The following CA12 variants were observed in gnomAD, a reference collection of about 807,000 sequenced individuals.
CA12 encodes the protein carbonate dehydratase XII.
CA12 carries 36 observed loss-of-function variants against 46.8 expected under a neutral mutation model. The observed-to-expected ratio is 0.77, with a 90% CI of 0.59 to 1.02. The LOEUF (loss-of-function observed/expected upper bound fraction) is 1.02. Ranked by LOEUF, CA12 falls within the 50% of genes least tolerant of loss-of-function variation. CA12 has a pLI of 0.00. For synonymous variants in CA12, 202 were observed against 187.0 expected (o/e 1.08, Z -0.65); for missense variants, 436 against 451.4 (o/e 0.97, Z 0.31).
Position 63,338,810 on chromosome 15 carries a change from T to A in CA12, c.874+9A>T, listed in dbSNP as rs188806301. The A allele has an allele frequency of 1.1e-4, 179 of 1,613,886 alleles. No individual in the cohort carries two copies. In the African/African-American group the frequency reaches 2.2e-3, roughly 20 times the overall value. On this transcript the variant is annotated intron_variant, in intron 8 of 10. Transcript: ENST00000178638. Reference sequence around the variant, plus strand: ...CGCACCCCCTCCCCCCAGCACTGCCTCTCCTCACCTTGGGAGAAGGAGGTG... The same window carrying A: ...CGCACCCCCTCCCCCCAGCACTGCCACTCCTCACCTTGGGAGAAGGAGGTG...
chr15:63,352,525 A>G (rs2039246074), intron 2 of CA12, among the ~76,000 whole-genome samples: 1 of 152,122 alleles, frequency 6.6e-6, no homozygotes, highest in Non-Finnish European at 1.5e-5. Flanking sequence ...ATTCTGCCCC[A>G]TGACACTTCT....
Position 63,340,355 on chromosome 15 carries a change from G to C in CA12, c.680C>G (p.Thr227Arg). 6.2e-7 allele frequency: 1 copy of C among 1,614,160 alleles called. No individual in the cohort carries two copies. The highest frequency in any genetic ancestry group is 1.7e-5 in the Admixed American group (1 of 60,026). Reference protein sequence around the residue: ...EYYRYRGSLTTPPCNPTVLWT... With the variant: ...EYYRYRGSLTRPPCNPTVLWT... ...GAGCACAGTGGGGTTGCAAGGGGGT[G>C]TGGTCAGGGACCCCCGGTAGCGGTA... The change falls in exon 7 of 11, where the codon ACA becomes AGA. Residue 227 changes from threonine (T) to arginine (R), a missense_variant. Transcript: ENST00000178638. This position sits in a 1 kb window ranked among gnomAD's most constrained non-coding sequence, Gnocchi z 4.4.
Position 63,341,889 on chromosome 15 carries a change from G to T in CA12, c.525+113C>A. 1.3e-6 allele frequency: 1 copy of T among 765,612 alleles called. No homozygotes were observed. The highest frequency in any genetic ancestry group is 2.3e-6 in the Non-Finnish European group (1 of 434,122). The allele number at this position is 765,612 out of a possible 1,614,324, so 47.4% of individuals were successfully genotyped here. A position where few individuals can be genotyped will look rare whatever the true frequency, so the allele number is the denominator to read the frequency against. On this transcript the variant is annotated intron_variant, in intron 5 of 10. Transcript: ENST00000178638. The surrounding 1 kb of genome is among the most constrained non-coding windows in gnomAD (Gnocchi z 5.2). ...ATACCCCCTGCTCTGGAGTTGACAC[G>T]GAGTCGATACAGGAACAGCTGATTA...
In CA12 at chr15:63,330,010, TAGCAG is replaced by T. The variant is rs1386153604; in HGVS notation, c.875-1885_875-1881del. ...GGTGGCACCGGGCTGCTGTGAGGGTTAGCAGAGCAGGCAGGGAGAAGAGCTGTCCC... is the reference window on the plus strand; with the variant it reads ...GGTGGCACCGGGCTGCTGTGAGGGTTAGCAGGCAGGGAGAAGAGCTGTCCC... On this transcript the variant is annotated intron_variant, in intron 8 of 10. Coordinates refer to ENST00000178638, the MANE Select transcript of CA12 (RefSeq NM_001218.5). This position sits in a 1 kb window ranked among gnomAD's most constrained non-coding sequence, Gnocchi z 4.0. Among the ~76,000 whole-genome samples, 1 of 152,188 alleles carries T rather than the reference TAGCAG, an allele frequency of 6.6e-6. No individual in the cohort carries two copies. Among genetic ancestry groups the T allele is most frequent in the Non-Finnish European group, 1.5e-5 (1 of 68,022 alleles).
chr15:63,362,384 T>C (rs1315154360), intron 2 of CA12, among the ~76,000 whole-genome samples: 1 of 152,234 alleles, frequency 6.6e-6, no homozygotes, highest in Admixed American at 6.5e-5. Flanking sequence ...GCCTGAGCTC[T>C]GAACCATGAC....
In CA12 at chr15:63,355,115, C is replaced by T. The variant is rs150191874; in HGVS notation, c.107-8406G>A. Among the ~76,000 whole-genome samples the T allele has an allele frequency of 3.3e-3, 495 of 152,290 alleles. 2 individuals carry two copies. Among genetic ancestry groups the T allele is most frequent in the African/African-American group, 0.011 (473 of 41,534 alleles). ...ACCTGTGACCTTAGAGTATGTTCAT[C>T]GTGGAGAGGCTCTGCCCACCTCTCT... On this transcript the variant is annotated intron_variant, in intron 2 of 10. Coordinates refer to ENST00000178638, the MANE Select transcript of CA12 (RefSeq NM_001218.5). This position sits in a 1 kb window ranked among gnomAD's most constrained non-coding sequence, Gnocchi z 4.1.
chr15:63,376,578 C>CTTTCTTTCTT (rs1436552433), intron 1 of CA12, among the ~76,000 whole-genome samples: 2 of 116,600 alleles, frequency 1.7e-5, no homozygotes, highest in African/African-American at 5.9e-5. Flanking sequence ...TTCTTTCTTT[C>CTTTCTTTCTT]TTTCTTTCTT....
Position 63,330,140 on chromosome 15 carries a change from C to G in CA12, c.875-2010G>C, listed in dbSNP as rs1394540576. ...GGCTCCACTGGCCAGACTCCCTGCC[C>G]CAGGCCTCTTCGTGTAACCTGAACA... is the stretch of plus-strand genomic sequence containing the variant. On this transcript the variant is annotated intron_variant, in intron 8 of 10. Transcript: ENST00000178638. The surrounding 1 kb of genome is among the most constrained non-coding windows in gnomAD (Gnocchi z 4.0). Among the ~76,000 whole-genome samples the G allele has an allele frequency of 6.6e-6, 1 of 152,230 alleles. No individual in the cohort carries two copies. Among genetic ancestry groups the G allele is most frequent in the Non-Finnish European group, 1.5e-5 (1 of 68,040 alleles).
chr15:63,364,934 G>A (rs981895592), intron 2 of CA12, among the ~76,000 whole-genome samples: 1 of 152,220 alleles, frequency 6.6e-6, no homozygotes, highest in African/African-American at 2.4e-5. Context: ...CCTAGCAACT[G>A]CACTGGTGTG....
At position 63,322,953 on chromosome 15, in the gene CA12, G is replaced by A. The variant is rs2038812293; in HGVS notation, c.*3332C>T. Reference sequence around the variant, plus strand: ...GAAAATTGGATGCTTTTCTAAATAAGGCAAACAATGATGGTACCTATTTTA... The same window carrying A: ...GAAAATTGGATGCTTTTCTAAATAAAGCAAACAATGATGGTACCTATTTTA... On this transcript the variant is annotated 3_prime_UTR_variant, in exon 11 of 11. Coordinates refer to ENST00000178638, the MANE Select transcript of CA12 (RefSeq NM_001218.5). The surrounding 1 kb of genome is among the most constrained non-coding windows in gnomAD (Gnocchi z 4.1). 1 of 152,212 alleles carries A rather than the reference G, an allele frequency of 6.6e-6. No homozygotes were observed. The highest frequency in any genetic ancestry group is 1.5e-5 in the Non-Finnish European group (1 of 68,028). The allele number at this position is 152,212 out of a possible 1,614,324, so 9.4% of individuals were successfully genotyped here.
rs1003123668 is a variant in CA12 at position 63,329,992 on chromosome 15, C to A, written c.875-1862G>T. Among the ~76,000 whole-genome samples the A allele has an allele frequency of 2.0e-5, 3 of 152,204 alleles. No individual in the cohort carries two copies. The highest frequency in any genetic ancestry group is 7.2e-5 in the African/African-American group (3 of 41,448). On this transcript the variant is annotated intron_variant, in intron 8 of 10. Coordinates refer to ENST00000178638, the MANE Select transcript of CA12 (RefSeq NM_001218.5). The surrounding 1 kb of genome is among the most constrained non-coding windows in gnomAD (Gnocchi z 4.8). ...CCTGGTCTGGCTTCCCCAGGTGGCA[C>A]CGGGCTGCTGTGAGGGTTAGCAGAG...
At chr15:63,336,803 A>G (rs1319918945) in intron 8 of CA12, among the ~76,000 whole-genome samples, 1 of 152,100 alleles carries the variant, frequency 6.6e-6, no homozygotes, top group Non-Finnish European at 1.5e-5. Context: ...TCCTGACTGT[A>G]AGGAGAATAT....
chr15:63,337,099 A>G (rs182543849), intron 8 of CA12, among the ~76,000 whole-genome samples: 6 of 152,304 alleles, frequency 3.9e-5, no homozygotes, highest in African/African-American at 1.4e-4. Context: ...TTATCATCAC[A>G]TGGATTTTGA....
chr15:63,357,464 G>C (rs2039309433), intron 2 of CA12, among the ~76,000 whole-genome samples: 1 of 152,164 alleles, frequency 6.6e-6, no homozygotes. Flanking sequence ...CCCAGTCCCT[G>C]AGATCAGGAT....
chr15:63,342,874 A>T (rs1183280432), intron 4 of CA12, among the ~76,000 whole-genome samples: 4 of 152,074 alleles, frequency 2.6e-5, no homozygotes, highest in Non-Finnish European at 5.9e-5. Flanking sequence ...TTTCCATCTC[A>T]TGTGTTTATA....
In CA12 at chr15:63,355,591, G is replaced by A. The variant is rs1388595280; in HGVS notation, c.107-8882C>T. Reference sequence around the variant, plus strand: ...GACTGTCAGCTCGCTTTCTGCATGCGTGTACACCTGGCTCCTGCTGCAGAG... The same window carrying A: ...GACTGTCAGCTCGCTTTCTGCATGCATGTACACCTGGCTCCTGCTGCAGAG... On this transcript the variant is annotated intron_variant, in intron 2 of 10. Transcript: ENST00000178638. This position sits in a 1 kb window ranked among gnomAD's most constrained non-coding sequence, Gnocchi z 4.1. Among the ~76,000 whole-genome samples, 4 of 152,220 alleles carry A rather than the reference G, an allele frequency of 2.6e-5. No individual in the cohort carries two copies. Among genetic ancestry groups the A allele is most frequent in the Non-Finnish European group, 4.4e-5 (3 of 68,046 alleles).
chr15:63,375,809 TTC>T, intron 1 of CA12, 131 bp from the exon 2 acceptor site: 1 of 703,336 alleles, frequency 1.4e-6, no homozygotes, highest in Admixed American at 2.7e-5. Context: ...CTTTTTCTTT[TTC>T]TTTTTTTTTT....
At chr15:63,344,943 G>A (rs2039126728) in intron 4 of CA12, among the ~76,000 whole-genome samples, 1 of 152,180 alleles carries the variant, frequency 6.6e-6, no homozygotes, top group Non-Finnish European at 1.5e-5. Flanking sequence ...TTGCCGTGAT[G>A]CCCTGCACAT....
rs142844666 is a variant in CA12 at position 63,323,916 on chromosome 15, G to C, written c.*2369C>G. 2 of 152,338 alleles carry C rather than the reference G, an allele frequency of 1.3e-5. No individual in the cohort carries two copies. The highest frequency in any genetic ancestry group is 4.8e-5 in the African/African-American group (2 of 41,568). 9.4% of individuals were successfully genotyped at this position (152,338 alleles called of 1,614,324 possible). ...ATCCAGGGCCTTCCCCTCTGGCCCT[G>C]GCCCCAGCCTGGGCCTTGTTTTTGC... On this transcript the variant is annotated 3_prime_UTR_variant, in exon 11 of 11. Coordinates refer to ENST00000178638, the MANE Select transcript of CA12 (RefSeq NM_001218.5). The surrounding 1 kb of genome is among the most constrained non-coding windows in gnomAD (Gnocchi z 5.1).
Sources: gnomAD v4.1 joint callset for allele counts (sites outside exome capture counted in the v4.1 genomes callset) on GRCh38, gnomAD v4.1.1 for gene constraint, Gnocchi (gnomAD v3.1) non-coding constraint, MANE v1.5 for transcripts, NCBI Gene and HGNC (gene_info 2026-07-23, HGNC 2026-07-21) for gene names.